Variants in GRIP2 observed in about 807,000 individuals in gnomAD.
The protein encoded by GRIP2 is glutamate receptor interacting protein 2.
GRIP2 carries 58 observed loss-of-function variants against 108.3 expected under a neutral mutation model. That is an observed-to-expected ratio of 0.54 (90% CI 0.43 to 0.67). The LOEUF (loss-of-function observed/expected upper bound fraction) is 0.67. GRIP2 is among the 30% of genes least tolerant of loss of function. GRIP2 has a pLI of 0.00. For missense variants in GRIP2, 1,278 were observed against 1,430.6 expected, an observed-to-expected ratio of 0.89 and a Z score of 1.72; for synonymous variants, 586 against 598.2, an observed-to-expected ratio of 0.98 and a Z score of 0.30.
At position 14,521,630 on chromosome 3, in the gene GRIP2, C is replaced by T. The variant is rs376299588; in HGVS notation, c.712+12G>A. Reference sequence around the variant, plus strand: ...TCCTGCCCCAACCCACACACTCAGGCCCCCAACTCACCAGGGGTGGCCACA... The same window carrying T: ...TCCTGCCCCAACCCACACACTCAGGTCCCCAACTCACCAGGGGTGGCCACA... On this transcript the variant is annotated intron_variant, in intron 7 of 23. Coordinates refer to ENST00000621039, the MANE Select transcript of GRIP2 (RefSeq NM_001080423.4). The surrounding 1 kb of genome is among the most constrained non-coding windows in gnomAD (Gnocchi z 5.1). 76 of 1,598,726 alleles carry T rather than the reference C, an allele frequency of 4.8e-5. No homozygotes were observed. The highest frequency in any genetic ancestry group is 1.7e-4 in the Admixed American group (10 of 58,778).
the GRIP2 span, among the ~76,000 whole-genome samples, chr3:14,563,892 G>A: frequency 1.3e-5 from 2 of 152,122 alleles, no homozygotes; most frequent in Non-Finnish European, 2.9e-5. Context: ...ACTGCCATTC[G>A]GAGAAAGAAA....
chr3:14,581,051 T>C, the GRIP2 span, among the ~76,000 whole-genome samples: 11 of 152,246 alleles, frequency 7.2e-5, no homozygotes, highest in African/African-American at 2.4e-4. Context: ...AACCTCTTCC[T>C]CTGTCTTTCT....
At chr3:14,499,846 A>T (rs1693720193) in intron 21 of GRIP2, among the ~76,000 whole-genome samples, 1 of 152,220 alleles carries the variant, frequency 6.6e-6, no homozygotes, top group Non-Finnish European at 1.5e-5. Context: ...GTCTTGGGCC[A>T]CACATAAAAT....
At chr3:14,599,547 A>G in the GRIP2 span, among the ~76,000 whole-genome samples, 3 of 149,596 alleles carry the variant, frequency 2.0e-5, no homozygotes, top group Non-Finnish European at 3.0e-5. Flanking sequence ...TATTTTTCTG[A>G]TTGTGCACAG....
chr3:14,531,004 A>C (rs1022718699), intron 1 of GRIP2: 1 of 152,142 alleles, frequency 6.6e-6, no homozygotes, highest in Non-Finnish European at 1.5e-5. Context: ...GACTTCACAA[A>C]TTTGTGTGTC....
At position 14,493,833 on chromosome 3, in the gene GRIP2, G is replaced by C. The variant is rs115041468; in HGVS notation, c.2971-7C>G. The C allele has an allele frequency of 5.9e-3, 9,508 of 1,609,274 alleles. 437 individuals carry two copies. The African/African-American group carries it at 0.11, about 18-fold the overall frequency. On this transcript the variant is annotated splice_region_variant and splice_polypyrimidine_tract_variant and intron_variant, in intron 23 of 23. Transcript: ENST00000621039. ...GTGTACGGACGTGGTTGACCTGCAT[G>C]GGGCACAAGCAAGGGAACAGAACCG... is the stretch of plus-strand genomic sequence containing the variant.
chr3:14,540,533 G>A, upstream of GRIP2: 1 of 1,013,102 alleles, frequency 9.9e-7, no homozygotes, highest in Non-Finnish European at 1.4e-6. This position sits in a 1 kb window ranked among gnomAD's most constrained non-coding sequence, Gnocchi z 4.1. Context: ...CCTGCAGCCT[G>A]GGTCTGGACA....
intron 20 of GRIP2, chr3:14,503,977 A>C: frequency 2.6e-6 from 1 of 390,562 alleles, no homozygotes; most frequent in Non-Finnish European, 4.7e-6. Context: ...CAGAGGACAA[A>C]CAGACGAACA....
chr3:14,495,225 G>A lies in GRIP2; in HGVS notation c.2824-236C>T, dbSNP rs540232269. Among the ~76,000 whole-genome samples the A allele has an allele frequency of 1.2e-4, 19 of 152,134 alleles. No homozygotes were observed. In the South Asian group the frequency reaches 2.1e-3, roughly 17 times the overall value. ...CACTCAAGTACGACGGAGCCCTTAG[G>A]AGTGACTTCCTTTCAGCCCTTTCTC... On this transcript the variant is annotated intron_variant, in intron 22 of 23. Transcript: ENST00000621039.
At chr3:14,544,716 T>G (rs1026038160), upstream of GRIP2, among the ~76,000 whole-genome samples, 5 of 152,186 alleles carry the variant, frequency 3.3e-5, no homozygotes, top group African/African-American at 1.2e-4. Flanking sequence ...CCAGGACAAT[T>G]GCTCCCTCCC....
upstream of GRIP2, among the ~76,000 whole-genome samples, chr3:14,556,918 T>G (rs1027582034): frequency 6.6e-6 from 1 of 152,210 alleles, no homozygotes; most frequent in African/African-American, 2.4e-5. Flanking sequence ...CTGCCCTCTC[T>G]CTACCAAGGC....
the GRIP2 span, among the ~76,000 whole-genome samples, chr3:14,569,836 T>A: frequency 2.8e-4 from 42 of 152,070 alleles, no homozygotes; most frequent in African/African-American, 1.0e-3. Context: ...GGAAGTGACC[T>A]GCCGTGGTCC....
intron 1 of GRIP2, among the ~76,000 whole-genome samples, chr3:14,549,062 A>C (rs1032915206): frequency 6.6e-6 from 1 of 152,156 alleles, no homozygotes; most frequent in Admixed American, 6.5e-5. Flanking sequence ...TGGGAGATCC[A>C]CAACTGTCTT....
At chr3:14,559,072 C>T (rs146106566), upstream of GRIP2, among the ~76,000 whole-genome samples, 198 of 152,244 alleles carry the variant, frequency 1.3e-3, no homozygotes, top group African/African-American at 4.5e-3. Context: ...CCAGCCTGCC[C>T]GGGTTCAAAT....
intron 9 of GRIP2, 44 bp downstream of exon 9, chr3:14,520,066 T>C (rs1694360874): frequency 6.5e-7 from 1 of 1,538,034 alleles, no homozygotes. Context: ...TCAGGCCTCA[T>C]GACTGCCCAG....
the GRIP2 span, chr3:14,573,871 C>T: frequency 5.4e-6 from 7 of 1,300,416 alleles, no homozygotes; most frequent in South Asian, 8.4e-5. Flanking sequence ...GAGCACTCCT[C>T]CTCCGAGGTC....
Position 14,511,583 on chromosome 3 carries a change from C to T in GRIP2, c.1721-104G>A. On this transcript the variant is annotated intron_variant, in intron 14 of 23. Coordinates refer to ENST00000621039, the MANE Select transcript of GRIP2 (RefSeq NM_001080423.4). The surrounding 1 kb of genome is among the most constrained non-coding windows in gnomAD (Gnocchi z 4.1). The stretch of plus-strand genomic sequence containing the variant: ...TGGACTCGGAGCCACTGGTCCTACT[C>T]ACATCCTGGTCCCACTGCTTCCTGG... 9.3e-7 allele frequency: 1 copy of T among 1,073,740 alleles called. No homozygotes were observed. The highest frequency in any genetic ancestry group is 1.4e-6 in the Non-Finnish European group (1 of 718,714). The allele number at this position is 1,073,740 out of a possible 1,614,324, so 66.5% of individuals were successfully genotyped here. A position where few individuals can be genotyped will look rare whatever the true frequency, so the allele number is the denominator to read the frequency against.
At chr3:14,530,860 C>A (rs1575021676) in intron 1 of GRIP2, 1 of 152,294 alleles carries the variant, frequency 6.6e-6, no homozygotes, top group East Asian at 1.9e-4. Flanking sequence ...CTTTGTGTTA[C>A]AAACAATCCA....
the GRIP2 span, among the ~76,000 whole-genome samples, chr3:14,561,880 A>T: frequency 1.3e-5 from 2 of 152,158 alleles, no homozygotes; most frequent in African/African-American, 4.8e-5. Flanking sequence ...GAGGGAGAGG[A>T]TGCAGGCAGA....
Sources: gnomAD v4.1 joint callset for allele counts (sites outside exome capture counted in the v4.1 genomes callset) on GRCh38, gnomAD v4.1.1 for gene constraint, Gnocchi (gnomAD v3.1) non-coding constraint, MANE v1.5 for transcripts, NCBI Gene and HGNC (gene_info 2026-07-23, HGNC 2026-07-21) for gene names.